Variants in SOAT2 observed in about 807,000 individuals in gnomAD.
SOAT2 encodes sterol O-acyltransferase 2, also known as ACAT-2.
In SOAT2, 87 loss-of-function variants were observed where a neutral mutation model predicts 76.0. The observed-to-expected ratio is 1.14, with a 90% CI of 0.96 to 1.37. The LOEUF is 1.37. Among genes scored for constraint, SOAT2 ranks in the 40% most tolerant of loss-of-function variants. SOAT2 has a pLI of 0.00. For synonymous variants in SOAT2, 285 were observed against 275.4 expected (o/e 1.03, Z -0.34); for missense variants, 686 against 682.1 (o/e 1.01, Z -0.06).
chr12:53,119,097 A>C, intron 9 of SOAT2, 27 bp from the exon 10 acceptor site: 1 of 1,613,598 alleles, frequency 6.2e-7, no homozygotes, highest in East Asian at 2.2e-5. Context: ...ATCCCTCTCC[A>C]GTTATGTGTC....
Position 53,121,328 on chromosome 12 carries a change from CCAA to C in SOAT2, c.1165_1167del (p.Asn389del), listed in dbSNP as rs1938185387. 2 of 1,614,050 alleles carry C rather than the reference CCAA, an allele frequency of 1.2e-6. No individual in the cohort carries two copies. Among genetic ancestry groups the C allele is most frequent in the South Asian group, 2.2e-5 (2 of 91,084 alleles). On this transcript the variant is annotated inframe_deletion, in exon 12 of 15. Coordinates refer to ENST00000301466, the MANE Select transcript of SOAT2 (RefSeq NM_003578.4). ...GACTGGTGGAACTCAACGTCCTTCT[CCAA>C]CTACTACCGCACTTGGAACGTGGTG...
intron 8 of SOAT2, 40 bp from the exon 9 acceptor site, chr12:53,118,846 AACAT>A: frequency 6.2e-7 from 1 of 1,611,026 alleles, no homozygotes; most frequent in Non-Finnish European, 8.5e-7. Flanking sequence ...AACAGAGAAC[AACAT>A]GAAAGAATGA....
At chr12:53,112,545 C>CAAA (rs71095977) in intron 5 of SOAT2, among the ~76,000 whole-genome samples, 1 of 58,218 alleles carries the variant, frequency 1.7e-5, no homozygotes, top group African/African-American at 5.9e-5. Flanking sequence ...AACTCTGTCT[C>CAAA]AAAAAAAAAA....
intron 2 of SOAT2, 119 bp from the exon 3 acceptor site, chr12:53,104,988 G>GTT (rs112056253): frequency 2.5e-4 from 246 of 992,750 alleles, no homozygotes; most frequent in South Asian, 6.7e-4. Flanking sequence ...CCCCCAGGTT[G>GTT]TTTTTTTTTT....
chr12:53,123,364 C>T lies in SOAT2; in HGVS notation c.1372+148C>T, dbSNP rs926867896. On this transcript the variant is annotated intron_variant, in intron 13 of 14. Coordinates refer to ENST00000301466, the MANE Select transcript of SOAT2 (RefSeq NM_003578.4). The stretch of plus-strand genomic sequence containing the variant: ...ACTGAGAGGTGGAGTCAAGGGGGTA[C>T]TTGGAAAGCAGGGAGGGAGGCAGCA... 1.4e-5 allele frequency: 14 copies of T among 1,030,962 alleles called. No individual in the cohort carries two copies. In the African/African-American group the frequency reaches 2.1e-4, roughly 16 times the overall value. The allele number at this position is 1,030,962 out of a possible 1,614,324, so 63.9% of individuals were successfully genotyped here. A position where few individuals can be genotyped will look rare whatever the true frequency, so the allele number is the denominator to read the frequency against.
chr12:53,107,465 A>G (rs1459345880), intron 5 of SOAT2, among the ~76,000 whole-genome samples: 2 of 152,194 alleles, frequency 1.3e-5, no homozygotes, highest in Non-Finnish European at 2.9e-5. Context: ...GTGATTACCA[A>G]TTAGGAAGAA....
In SOAT2 at chr12:53,105,565, C is replaced by A; in HGVS notation, c.280C>A (p.Gln94Lys). ...PPPPGSLSRT[Q>K]EPSLGKQKVF... The stretch of plus-strand genomic sequence containing the variant: ...TGAACAAACATCTCAATTCAGGACC[C>A]AGGAGCCATCCCTGGGGAAACAGAA... The change falls in exon 4 of 15, where the codon CAG (glutamine) becomes AAG (lysine). Residue 94 changes from glutamine (Q) to lysine (K), a missense_variant. By Grantham distance (53) the Gln-to-Lys change is moderately conservative (BLOSUM62 1). Coordinates refer to ENST00000301466, the MANE Select transcript of SOAT2 (RefSeq NM_003578.4). 6.2e-7 allele frequency: 1 copy of A among 1,611,388 alleles called. No homozygotes were observed. Among genetic ancestry groups the A allele is most frequent in the East Asian group, 2.2e-5 (1 of 44,852 alleles).
intron 4 of SOAT2, 114 bp downstream of exon 4, chr12:53,105,734 A>G: frequency 8.9e-7 from 1 of 1,121,392 alleles, no homozygotes; most frequent in South Asian, 1.3e-5. Context: ...GGACTTGGAA[A>G]GGGTTTCTAA....
intron 6 of SOAT2, 28 bp downstream of exon 6, chr12:53,115,682 G>A (rs747928287): frequency 9.4e-6 from 14 of 1,486,346 alleles, no homozygotes; most frequent in Non-Finnish European, 1.2e-5. Flanking sequence ...CTGACGGACA[G>A]GAAGGAACCA....
chr12:53,122,982 C>T lies in SOAT2; in HGVS notation c.1237-99C>T, dbSNP rs980407569. On this transcript the variant is annotated intron_variant, in intron 12 of 14. Coordinates refer to ENST00000301466, the MANE Select transcript of SOAT2 (RefSeq NM_003578.4). ...GGGGGCTGACCCCCCCACCTCCCTG[C>T]CGGACTGGGCGGCTGGCCGGGCGGG... 2.8e-5 allele frequency: 37 copies of T among 1,336,868 alleles called. No individual in the cohort carries two copies. The East Asian group carries it at 6.3e-4, about 23-fold the overall frequency. 82.8% of individuals were successfully genotyped at this position (1,336,868 alleles called of 1,614,324 possible).
rs752220734 is a variant in SOAT2 at position 53,121,426 on chromosome 12, G to A, written c.1236+25G>A. On this transcript the variant is annotated intron_variant, in intron 12 of 14. Coordinates refer to ENST00000301466, the MANE Select transcript of SOAT2 (RefSeq NM_003578.4). ...GGTATGGGCCCTGCAGACCCCTTCAGCTCTCACAGTTAATAGGGGCTCTCC... is the reference window on the plus strand; with the variant it reads ...GGTATGGGCCCTGCAGACCCCTTCAACTCTCACAGTTAATAGGGGCTCTCC... The A allele has an allele frequency of 7.0e-6, 11 of 1,566,726 alleles. No individual in the cohort carries two copies. In the East Asian group the frequency reaches 2.5e-4, roughly 35 times the overall value.
chr12:53,122,197 G>A (rs1251527541), intron 12 of SOAT2, among the ~76,000 whole-genome samples: 2 of 142,196 alleles, frequency 1.4e-5, no homozygotes, highest in Non-Finnish European at 1.5e-5. Context: ...CTTCCTTAAG[G>A]TGGGGGCTCT....
rs760362737 is a variant in SOAT2 at position 53,123,093 on chromosome 12, C to T, written c.1249C>T (p.Arg417Trp). ...YQDGLRLLGA[R>W]ARGVAMLGVF... is the part of the protein sequence containing the mutation. ...CTCACCCTGCCAGCTCCTTGGTGCC[C>T]GGGCCCGAGGGGTAGCCATGCTGGG... Residue 417 changes from arginine to tryptophan, a missense_variant, in exon 13 of 15, where the codon CGG becomes TGG. Physicochemically the swap from Arg to Trp is moderately radical, Grantham distance 101. Transcript: ENST00000301466. The T allele has an allele frequency of 9.9e-6, 16 of 1,612,298 alleles. No homozygotes were observed. The highest frequency in any genetic ancestry group is 8.4e-5 in the Admixed American group (5 of 59,588).
chr12:53,103,716 G>A, intron 1 of SOAT2, 57 bp downstream of exon 1: 1 of 1,342,224 alleles, frequency 7.5e-7, no homozygotes, highest in South Asian at 1.4e-5. Context: ...GGCGGGGAGA[G>A]ATGCGCTATG....
intron 14 of SOAT2, 98 bp from the exon 15 acceptor site, chr12:53,123,975 C>T (rs148175781): frequency 1.3e-6 from 2 of 1,595,658 alleles, no homozygotes; most frequent in Non-Finnish European, 1.7e-6. Flanking sequence ...AGTCAGGCAC[C>T]AGGGCCTGGC....
At position 53,120,774 on chromosome 12, in the gene SOAT2, C is replaced by T. The variant is rs759033866; in HGVS notation, c.1040-12C>T. 1 of 1,608,266 alleles carries T rather than the reference C, an allele frequency of 6.2e-7. No individual in the cohort carries two copies. The highest frequency in any genetic ancestry group is 2.2e-5 in the East Asian group (1 of 44,828). On this transcript the variant is annotated splice_polypyrimidine_tract_variant and intron_variant, in intron 10 of 14. Coordinates refer to ENST00000301466, the MANE Select transcript of SOAT2 (RefSeq NM_003578.4). ...CCAGCCTGACCTGCAGCCTCTTGTC[C>T]CCAACCACCAGGCATCTTCATGCTG... is the stretch of plus-strand genomic sequence containing the variant.
chr12:53,104,289 C>A (rs1015053733), intron 2 of SOAT2, 83 bp downstream of exon 2: 30 of 520,800 alleles, frequency 5.8e-5, no homozygotes, highest in Admixed American at 1.3e-4. Flanking sequence ...ATAAAGATGA[C>A]TTTTTTTTTT....
chr12:53,124,381 C>A lies in SOAT2; in HGVS notation c.*258C>A. Reference sequence around the variant, plus strand: ...GCTGGGTACAGGATATCCTCCTACCCCATGACTGTCTTAGGGAGACTTGGG... The same window carrying A: ...GCTGGGTACAGGATATCCTCCTACCACATGACTGTCTTAGGGAGACTTGGG... On this transcript the variant is annotated 3_prime_UTR_variant, in exon 15 of 15. Coordinates refer to ENST00000301466, the MANE Select transcript of SOAT2 (RefSeq NM_003578.4). The A allele has an allele frequency of 1.8e-6, 1 of 562,144 alleles. No homozygotes were observed. Among genetic ancestry groups the A allele is most frequent in the Non-Finnish European group, 3.2e-6 (1 of 314,078 alleles). The allele number at this position is 562,144 out of a possible 1,614,324, so 34.8% of individuals were successfully genotyped here.
intron 12 of SOAT2, 71 bp downstream of exon 12, chr12:53,121,472 C>T: frequency 7.8e-7 from 1 of 1,280,644 alleles, no homozygotes; most frequent in Admixed American, 1.7e-5. Context: ...CTCCTTCCCT[C>T]CTGCTACAGT....
Sources: gnomAD v4.1 joint callset for allele counts (sites outside exome capture counted in the v4.1 genomes callset) on GRCh38, gnomAD v4.1.1 for gene constraint, MANE v1.5 for transcripts, NCBI Gene and HGNC (gene_info 2026-07-23, HGNC 2026-07-21) for gene names.